The following IL1RAP variants were observed in gnomAD, a reference collection of about 807,000 sequenced individuals.
IL1RAP encodes interleukin-1 receptor accessory protein.
Under a neutral mutation model 60.7 loss-of-function variants are expected in IL1RAP, and 35 were observed. The observed-to-expected ratio is 0.58, with a 90% CI of 0.44 to 0.76. The LOEUF (loss-of-function observed/expected upper bound fraction) is 0.76. IL1RAP is among the 30% of genes least tolerant of loss of function. The pLI, the probability that IL1RAP is intolerant of heterozygous loss-of-function variation, is 0.00. For missense variants in IL1RAP, 572 were observed against 693.9 expected (o/e 0.82, Z 1.97); for synonymous variants, 268 against 250.9 (o/e 1.07, Z -0.64).
chr3:190,656,059 G>A, downstream of IL1RAP: 1 of 1,537,154 alleles, frequency 6.5e-7, no homozygotes. Flanking sequence ...CCGTCCCCTT[G>A]AGCACCCGCA....
intron 1 of IL1RAP, among the ~76,000 whole-genome samples, chr3:190,533,902 G>T (rs112903217): frequency 2.0e-5 from 3 of 152,006 alleles, no homozygotes; most frequent in African/African-American, 2.4e-5. Flanking sequence ...TCTTCTTGCC[G>T]TTTCAAAGGA....
At chr3:190,528,706 C>G (rs150766422) in intron 1 of IL1RAP, among the ~76,000 whole-genome samples, 10 of 152,236 alleles carry the variant, frequency 6.6e-5, no homozygotes, top group African/African-American at 2.4e-4. Flanking sequence ...CATGAGAATA[C>G]ATAATGTACT....
At chr3:190,565,293 T>G (rs965076203) in intron 3 of IL1RAP, among the ~76,000 whole-genome samples, 2 of 152,212 alleles carry the variant, frequency 1.3e-5, no homozygotes, top group South Asian at 4.1e-4. Context: ...AAAATTCCCC[T>G]GAACACCATA....
chr3:190,594,242 C>T (rs1365916796), intron 3 of IL1RAP, among the ~76,000 whole-genome samples: 1 of 152,142 alleles, frequency 6.6e-6, no homozygotes, highest in Non-Finnish European at 1.5e-5. Flanking sequence ...ACTGATGATG[C>T]TGGTGGGTTG....
At chr3:190,574,825 T>C (rs1356009876) in intron 3 of IL1RAP, among the ~76,000 whole-genome samples, 1 of 152,188 alleles carries the variant, frequency 6.6e-6, no homozygotes, top group Non-Finnish European at 1.5e-5. Flanking sequence ...ACAAAACAGC[T>C]AGAATAACTG....
chr3:190,544,263 G>A (rs3773990), intron 1 of IL1RAP, among the ~76,000 whole-genome samples: 12,214 of 152,160 alleles, frequency 0.08, 660 homozygotes, highest in East Asian at 0.26. Flanking sequence ...TCTGGATGGT[G>A]TCTTATGTTC....
intron 11 of IL1RAP, among the ~76,000 whole-genome samples, chr3:190,648,040 CT>C (rs1355621863): frequency 6.6e-6 from 1 of 152,134 alleles, no homozygotes; most frequent in African/African-American, 2.4e-5. Context: ...CTCCTTGTGT[CT>C]CAAGTGTTGT....
Position 190,644,265 on chromosome 3 carries a change from A to T in IL1RAP, c.1069A>T (p.Thr357Ser). The change falls in exon 10 of 12, where the codon ACA becomes TCA. Residue 357 changes from threonine (T) to serine (S), a missense_variant. Coordinates refer to ENST00000447382, the MANE Select transcript of IL1RAP (RefSeq NM_002182.4). ...VKQKVPAPRY[T>S]VELACGFGAT... ...CATTCCAGTGCCAGCTCCAAGATACACAGTGGAACTGGCTTGTGGTTTTGG... is the reference window on the plus strand; with the variant it reads ...CATTCCAGTGCCAGCTCCAAGATACTCAGTGGAACTGGCTTGTGGTTTTGG... 6.2e-7 allele frequency: 1 copy of T among 1,613,362 alleles called. No individual in the cohort carries two copies. The highest frequency in any genetic ancestry group is 8.5e-7 in the Non-Finnish European group (1 of 1,179,682).
intron 3 of IL1RAP, among the ~76,000 whole-genome samples, chr3:190,582,295 C>A (rs1190489568): frequency 1.5e-4 from 23 of 151,636 alleles, no homozygotes; most frequent in Admixed American, 1.4e-3. Context: ...GCCACATCAT[C>A]TCATTCTTGA....
chr3:190,629,350 T>A lies in IL1RAP; in HGVS notation c.903T>A (p.Ser301Arg), dbSNP rs774566906. 6.3e-7 allele frequency: 1 copy of A among 1,597,126 alleles called. No individual in the cohort carries two copies. The highest frequency in any genetic ancestry group is 1.1e-5 in the South Asian group (1 of 89,592). Residue 301 changes from serine to arginine, a missense_variant and splice_region_variant, in exon 9 of 12, where the codon AGT (serine) becomes AGA (arginine). Ser to Arg is a moderately radical substitution (Grantham distance 110). Coordinates refer to ENST00000447382, the MANE Select transcript of IL1RAP (RefSeq NM_002182.4). ...TTGATTTTCTTCTCTCTATTTCTAG[T>A]ATAAGTCATAGTAGAACAGAAGATG... ...DITIDVTINE[S>R]ISHSRTEDET...
At position 190,649,046 on chromosome 3, in the gene IL1RAP, A is replaced by G. The variant is rs886445876; in HGVS notation, c.*341A>G. 7 of 1,005,706 alleles carry G rather than the reference A, an allele frequency of 7.0e-6. No homozygotes were observed. Among genetic ancestry groups the G allele is most frequent in the East Asian group, 1.0e-4 (1 of 9,844 alleles). The allele number at this position is 1,005,706 out of a possible 1,614,324, so 62.3% of individuals were successfully genotyped here. A position where few individuals can be genotyped will look rare whatever the true frequency, so the allele number is the denominator to read the frequency against. ...CTTAACATATGGAGCAGCCTTTCCT[A>G]TGAATTTAAATATGCCTTTAAAATA... On this transcript the variant is annotated 3_prime_UTR_variant, in exon 12 of 12. Transcript: ENST00000447382.
rs753421708 is a variant in IL1RAP at position 190,564,473 on chromosome 3, G to A, written c.64+120G>A. 1.4e-5 allele frequency: 10 copies of A among 718,982 alleles called. 1 individual carries two copies. The highest frequency in any genetic ancestry group is 1.1e-4 in the South Asian group (7 of 66,530). The allele number at this position is 718,982 out of a possible 1,614,324, so 44.5% of individuals were successfully genotyped here. On this transcript the variant is annotated intron_variant, in intron 3 of 11. Coordinates refer to ENST00000447382, the MANE Select transcript of IL1RAP (RefSeq NM_002182.4). ...GTTATTCATGTCCATTGTCTTCTGC[G>A]GTAGCAAATAATCATAAAGCAGAAT...
Position 190,555,282 on chromosome 3 carries a change from G to A in IL1RAP, c.-88-848G>A, listed in dbSNP as rs551325079. ...TCAAATGGCGTCACATTGCCCAAGT[G>A]ATGTGCTCCTTCCTCCCTCCTCTCT... On this transcript the variant is annotated intron_variant, in intron 1 of 11. Coordinates refer to ENST00000447382, the MANE Select transcript of IL1RAP (RefSeq NM_002182.4). Among the ~76,000 whole-genome samples, 37 of 134,054 alleles carry A rather than the reference G, an allele frequency of 2.8e-4. No individual in the cohort carries two copies. In the East Asian group the frequency reaches 7.9e-3, roughly 29 times the overall value. The allele number at this position is 134,054 out of a possible 152,430, so 87.9% of individuals were successfully genotyped here.
intron 5 of IL1RAP, among the ~76,000 whole-genome samples, chr3:190,610,470 A>G (rs1730727046): frequency 6.6e-6 from 1 of 152,010 alleles, no homozygotes; most frequent in African/African-American, 2.4e-5. Flanking sequence ...CACAATAGAT[A>G]ATACCTTAAG....
intron 3 of IL1RAP, among the ~76,000 whole-genome samples, chr3:190,588,584 G>A (rs577420543): frequency 2.0e-5 from 3 of 152,324 alleles, no homozygotes; most frequent in Admixed American, 6.5e-5. Context: ...TGTGTGTGTA[G>A]TTGTAGTTGT....
At chr3:190,609,568 G>T (rs533172846) in intron 5 of IL1RAP, among the ~76,000 whole-genome samples, 29 of 152,152 alleles carry the variant, frequency 1.9e-4, no homozygotes, top group African/African-American at 6.7e-4. Context: ...ATTTATGTGT[G>T]TTTTTTTCTT....
At chr3:190,522,125 G>A (rs1244037049) in intron 1 of IL1RAP, among the ~76,000 whole-genome samples, 1 of 152,124 alleles carries the variant, frequency 6.6e-6, no homozygotes, top group Non-Finnish European at 1.5e-5. Flanking sequence ...ATTACAGAGT[G>A]AGACAGTGGT....
chr3:190,593,154 AT>A (rs971962390), intron 3 of IL1RAP, among the ~76,000 whole-genome samples: 14 of 142,504 alleles, frequency 9.8e-5, no homozygotes, highest in African/African-American at 2.6e-4. Context: ...GCTATTTTCC[AT>A]TTTTTTTTCA....
chr3:190,554,121 A>G (rs980168109), intron 1 of IL1RAP, among the ~76,000 whole-genome samples: 3 of 150,708 alleles, frequency 2.0e-5, no homozygotes, highest in Non-Finnish European at 4.4e-5. Context: ...CTTGTTTTGC[A>G]TCTCACTCAC....
Sources: gnomAD v4.1 joint callset for allele counts (sites outside exome capture counted in the v4.1 genomes callset) on GRCh38, gnomAD v4.1.1 for gene constraint, MANE v1.5 for transcripts, NCBI Gene and HGNC (gene_info 2026-07-23, HGNC 2026-07-21) for gene names.